SH2D4A: variants seen among roughly 807,000 people sequenced by gnomAD.
SH2D4A encodes SH2 domain containing 4A, also known as SH2 domain-containing protein 4A.
Under a neutral mutation model 64.7 loss-of-function variants are expected in SH2D4A, and 70 were observed. The ratio of observed to expected loss-of-function variants is 1.08; its 90% CI spans 0.89 to 1.32. The LOEUF is 1.32. Ranked by LOEUF, SH2D4A falls within the 40% of genes most tolerant of loss-of-function variation. SH2D4A has a pLI of 0.00. For missense variants in SH2D4A, 706 were observed against 540.1 expected, an observed-to-expected ratio of 1.31 and a Z score of -3.04; for synonymous variants, 268 against 200.7, an observed-to-expected ratio of 1.34 and a Z score of -2.83.
chr8:19,373,780 G>C, intron 8 of SH2D4A, 120 bp downstream of exon 8: 1 of 1,332,082 alleles, frequency 7.5e-7, no homozygotes, highest in Non-Finnish European at 1.0e-6. Context: ...GAGTCTTTCA[G>C]ATTATTTCAC....
At chr8:19,372,889 G>A (rs534308659) in intron 7 of SH2D4A, among the ~76,000 whole-genome samples, 17 of 151,476 alleles carry the variant, frequency 1.1e-4, no homozygotes, top group Admixed American at 9.9e-4. Flanking sequence ...AAGTGTGGAA[G>A]AGGATAAAGC....
intron 2 of SH2D4A, among the ~76,000 whole-genome samples, chr8:19,321,842 A>C (rs1253816398): frequency 6.6e-6 from 1 of 152,166 alleles, no homozygotes; most frequent in Non-Finnish European, 1.5e-5. Flanking sequence ...AGACTCTGTT[A>C]GACTTTGGGT....
At position 19,373,654 on chromosome 8, in the gene SH2D4A, T is replaced by A. The variant is rs552113556; in HGVS notation, c.1042T>A (p.Phe348Ile). 1.2e-6 allele frequency: 2 copies of A among 1,613,132 alleles called. No individual in the cohort carries two copies. Among genetic ancestry groups the A allele is most frequent in the South Asian group, 2.2e-5 (2 of 91,018 alleles). ...AACCTCAGACACCATAGCCCCCTGG[T>A]TCCATGGTGAGTGCAGAGATTTCCT... ...QKTSDTIAPWFHGILTLKKAN... is the reference protein window; with the variant it reads ...QKTSDTIAPWIHGILTLKKAN... The change falls in exon 8 of 10, where the codon TTC becomes ATC. Residue 348 changes from phenylalanine to isoleucine, a missense_variant. Physicochemically the swap from Phe to Ile is conservative, Grantham distance 21. Transcript: ENST00000265807.
intron 8 of SH2D4A, among the ~76,000 whole-genome samples, chr8:19,391,960 C>T (rs935021128): frequency 3.9e-5 from 6 of 152,192 alleles, no homozygotes; most frequent in Admixed American, 6.5e-5. Context: ...AAAGGGCACG[C>T]GTAGAACGCT....
intron 2 of SH2D4A, among the ~76,000 whole-genome samples, chr8:19,329,826 C>T (rs1338759464): frequency 6.6e-6 from 1 of 152,156 alleles, no homozygotes; most frequent in Non-Finnish European, 1.5e-5. Flanking sequence ...TCCTCCTTGC[C>T]TTCTGCCATG....
chr8:19,381,744 G>A (rs2053296714), intron 8 of SH2D4A, among the ~76,000 whole-genome samples: 1 of 152,132 alleles, frequency 6.6e-6, no homozygotes, highest in Admixed American at 6.5e-5. Context: ...TAGAAGAAAT[G>A]TCATTCAACA....
chr8:19,356,499 C>G (rs1445924391), intron 4 of SH2D4A, among the ~76,000 whole-genome samples: 1 of 152,308 alleles, frequency 6.6e-6, no homozygotes, highest in South Asian at 2.1e-4. Flanking sequence ...GCTCTGCACT[C>G]CAGCCAGGGA....
At position 19,314,002 on chromosome 8, in the gene SH2D4A, G is replaced by A. The variant is rs563571715; in HGVS notation, c.-205+179G>A. 350 of 1,229,744 alleles carry A rather than the reference G, an allele frequency of 2.8e-4. 2 individuals carry two copies. Among genetic ancestry groups the A allele is most frequent in the South Asian group, 1.1e-3 (33 of 29,692 alleles). 76.2% of individuals were successfully genotyped at this position (1,229,744 alleles called of 1,614,324 possible). ...GGCGCCCGGGGCGGGCTCAGGTGCGGGGTTGGGCGGCGAGAGCGGCCGCGG... is the reference window on the plus strand; with the variant it reads ...GGCGCCCGGGGCGGGCTCAGGTGCGAGGTTGGGCGGCGAGAGCGGCCGCGG... On this transcript the variant is annotated intron_variant, in intron 1 of 9. Coordinates refer to ENST00000265807, the MANE Select transcript of SH2D4A (RefSeq NM_022071.4).
rs2052947357 is a variant in SH2D4A, at chr8:19,364,216, A to G, written c.851A>G (p.Glu284Gly). The G allele has an allele frequency of 6.2e-7, 1 of 1,614,190 alleles. No homozygotes were observed. Among genetic ancestry groups the G allele is most frequent in the Non-Finnish European group, 8.5e-7 (1 of 1,179,998 alleles). ...CCCTTGCGTGTTCCGCAGAAACCAG[A>G]AAGACCTCCCCTTCCACCCAAGCCT... ...QSPLRVPQKP[E>G]RPPLPPKPQF... The change falls in exon 7 of 10, where the codon GAA becomes GGA. Residue 284 changes from glutamate to glycine, a missense_variant. Coordinates refer to ENST00000265807, the MANE Select transcript of SH2D4A (RefSeq NM_022071.4).
intron 4 of SH2D4A, among the ~76,000 whole-genome samples, chr8:19,338,393 A>C (rs2117222521): frequency 6.6e-6 from 1 of 152,328 alleles, no homozygotes; most frequent in South Asian, 2.1e-4. Flanking sequence ...ACCCACGAAC[A>C]CGTTACTTTA....
rs561584392 is a variant in SH2D4A, at chr8:19,383,372, C to T, written c.1048+9712C>T. On this transcript the variant is annotated intron_variant, in intron 8 of 9. Transcript: ENST00000265807. ...GAATTTTTCATTTTAGTTATACTTT[C>T]AGTTCTAGGATTTGTTCTTGGTTTT... 1.5e-4 allele frequency among the ~76,000 whole-genome samples: 23 copies of T among 151,102 alleles called. No individual in the cohort carries two copies. In the South Asian group the frequency reaches 1.9e-3, roughly 12 times the overall value.
intron 4 of SH2D4A, among the ~76,000 whole-genome samples, chr8:19,354,641 G>A (rs2052760839): frequency 6.6e-6 from 1 of 152,196 alleles, no homozygotes; most frequent in East Asian, 1.9e-4. Context: ...AAGAAAGCAA[G>A]TAGTAAAAAT....
intron 2 of SH2D4A, 27 bp from the exon 3 acceptor site, chr8:19,332,928 A>T: frequency 1.2e-6 from 2 of 1,602,288 alleles, no homozygotes; most frequent in South Asian, 1.1e-5. Context: ...TTCAATCTGA[A>T]TTTTTTGTTT....
chr8:19,326,377 A>T (rs1402779688), intron 2 of SH2D4A, among the ~76,000 whole-genome samples: 1 of 152,194 alleles, frequency 6.6e-6, no homozygotes, highest in African/African-American at 2.4e-5. Flanking sequence ...GAGGGAAGGA[A>T]GATCCACTTG....
chr8:19,371,209 A>G (rs78575333), intron 7 of SH2D4A, among the ~76,000 whole-genome samples: 2,022 of 152,292 alleles, frequency 0.013, 21 homozygotes, highest in Admixed American at 0.022. Context: ...GTTAGCATCC[A>G]GTTTATGTTT....
chr8:19,370,048 AATTT>A (rs559045789), intron 7 of SH2D4A, among the ~76,000 whole-genome samples: 1 of 151,896 alleles, frequency 6.6e-6, no homozygotes, highest in Non-Finnish European at 1.5e-5. Flanking sequence ...TGGTTTCTGA[AATTT>A]ATTTATTGAC....
intron 6 of SH2D4A, 21 bp downstream of exon 6, chr8:19,361,335 A>G: frequency 6.3e-7 from 1 of 1,579,762 alleles, no homozygotes; most frequent in South Asian, 1.2e-5. Flanking sequence ...AGAGGTCTCC[A>G]TAGCACCTTC....
At chr8:19,363,557 T>A (rs1585184088) in intron 6 of SH2D4A, among the ~76,000 whole-genome samples, 1 of 152,204 alleles carries the variant, frequency 6.6e-6, no homozygotes, top group Non-Finnish European at 1.5e-5. Context: ...ATCCCTTTAA[T>A]TTTTTGTCTG....
At position 19,338,368 on chromosome 8, in the gene SH2D4A, AT is replaced by A. The variant is rs369826327; in HGVS notation, c.513+3514del. 1.9e-3 allele frequency among the ~76,000 whole-genome samples: 293 copies of A among 152,322 alleles called. 3 individuals carry two copies. Among genetic ancestry groups the A allele is most frequent in the African/African-American group, 6.8e-3 (283 of 41,574 alleles). On this transcript the variant is annotated intron_variant, in intron 4 of 9. Transcript: ENST00000265807. ...GCAGAATAATGGCAAATATATCCAC[AT>A]TTAGATCTCTCAGACCCACGAACAC... is the stretch of plus-strand genomic sequence containing the variant.
Sources: allele counts gnomAD v4.1 joint callset (sites outside exome capture counted in the v4.1 genomes callset), GRCh38; gene constraint gnomAD v4.1.1; transcripts MANE v1.5; gene names NCBI Gene and HGNC (gene_info 2026-07-23, HGNC 2026-07-21).